DGKH: variants seen among roughly 807,000 people sequenced by gnomAD.
DGKH encodes DAG kinase eta.
DGKH carries 90 observed loss-of-function variants against 159.3 expected under a neutral mutation model. The observed-to-expected ratio is 0.57, with a 90% CI of 0.48 to 0.67. The LOEUF is 0.67. DGKH is among the 30% of genes least tolerant of loss of function. DGKH has a pLI of 0.00. For synonymous variants in DGKH, 536 were observed against 553.8 expected, an observed-to-expected ratio of 0.97 and a Z score of 0.45; for missense variants, 1,181 against 1,506.1, an observed-to-expected ratio of 0.78 and a Z score of 3.57.
At chr13:42,089,091 C>T (rs759860031) in intron 1 of DGKH, among the ~76,000 whole-genome samples, 2 of 152,032 alleles carry the variant, frequency 1.3e-5, no homozygotes, top group Non-Finnish European at 2.9e-5. Context: ...TGCATGCAGC[C>T]GATAACAGCT....
intron 1 of DGKH, chr13:42,069,431 A>G (rs1015334677): frequency 1.9e-6 from 3 of 1,551,428 alleles, no homozygotes; most frequent in African/African-American, 1.4e-5. Flanking sequence ...ACACTGAGCT[A>G]TTCAAGTCGA....
At chr13:42,212,380 C>G (rs1419338137) in intron 24 of DGKH, among the ~76,000 whole-genome samples, 1 of 152,126 alleles carries the variant, frequency 6.6e-6, no homozygotes, top group African/African-American at 2.4e-5. Context: ...TCAGCTATAC[C>G]CACACAGCTG....
chr13:42,067,546 T>C (rs1882666253), intron 1 of DGKH, among the ~76,000 whole-genome samples: 1 of 152,162 alleles, frequency 6.6e-6, no homozygotes, highest in African/African-American at 2.4e-5. Context: ...TCTAGAAAGA[T>C]CATAAAGGCT....
In DGKH at chr13:42,166,606, C is replaced by T. The variant is rs1364418698; in HGVS notation, c.1050C>T (p.Leu350=). Residue 350 remains leucine (L), a synonymous_variant, in exon 9 of 30, where the codon CTC becomes CTT. Coordinates refer to ENST00000337343, the MANE Select transcript of DGKH (RefSeq NM_178009.5). ...KSGDNQGVKF[L]RRFKQLLNPA... The stretch of plus-strand genomic sequence containing the variant: ...GAGATAATCAGGGAGTAAAGTTCCT[C>T]CGTCGCTTTAAACAGTTGCTAAATC... 7 of 1,609,030 alleles carry T rather than the reference C, an allele frequency of 4.4e-6. No homozygotes were observed. In the South Asian group the frequency reaches 6.7e-5, roughly 15 times the overall value.
In DGKH at chr13:42,155,356, C is replaced by G. The variant is rs1455647121; in HGVS notation, c.450C>G (p.Ile150Met). ...ACAGAAAGGAGATGGAGGATTGGAT[C>G]AGCTCACTGAAGTCTGTACAGACCA... ...AENRKEMEDW[I>M]SSLKSVQTRE... Residue 150 changes from isoleucine to methionine, a missense_variant, in exon 4 of 30, where the codon ATC becomes ATG. Ile to Met is a conservative substitution (Grantham distance 10). Transcript: ENST00000337343. The G allele has an allele frequency of 6.2e-7, 1 of 1,612,752 alleles. No homozygotes were observed. The highest frequency in any genetic ancestry group is 1.1e-5 in the South Asian group (1 of 90,654).
chr13:42,218,275 C>A (rs935772370), intron 26 of DGKH, among the ~76,000 whole-genome samples: 1 of 152,114 alleles, frequency 6.6e-6, no homozygotes, highest in Admixed American at 6.5e-5. Flanking sequence ...AATAGGTGAG[C>A]AGTTAAATTC....
intron 16 of DGKH, among the ~76,000 whole-genome samples, chr13:42,192,613 TCTTTTCTTTC>T (rs1957107568): frequency 6.7e-6 from 1 of 149,692 alleles, no homozygotes. Flanking sequence ...TTCTTCTTCT[TCTTTTCTTTC>T]TTCTTTCTTC....
intron 19 of DGKH, 52 bp downstream of exon 19, chr13:42,199,728 A>G (rs1957299871): frequency 7.7e-6 from 12 of 1,556,892 alleles, no homozygotes; most frequent in Non-Finnish European, 1.0e-5. Context: ...TTTTTTCTTC[A>G]TTTATTATGT....
intron 1 of DGKH, among the ~76,000 whole-genome samples, chr13:42,120,500 A>T (rs1291045034): frequency 1.3e-5 from 2 of 152,200 alleles, no homozygotes; most frequent in African/African-American, 4.8e-5. Context: ...GCAACAGAAA[A>T]TTGGAACTCA....
Position 42,184,641 on chromosome 13 carries a change from C to T in DGKH, c.1539-2408C>T, listed in dbSNP as rs73475059. On this transcript the variant is annotated intron_variant, in intron 13 of 29. Transcript: ENST00000337343. ...CTTTGGGAGTGCAAGTCAGGAGGAT[C>T]GCTTGAGGCCATGAGTTAGAGACCA... is the stretch of plus-strand genomic sequence containing the variant. Among the ~76,000 whole-genome samples, 837 of 152,078 alleles carry T rather than the reference C, an allele frequency of 5.5e-3. 9 individuals are homozygous for T. The highest frequency in any genetic ancestry group is 0.019 in the African/African-American group (797 of 41,494).
At chr13:42,147,886 A>G (rs1479297547) in intron 3 of DGKH, among the ~76,000 whole-genome samples, 3 of 152,182 alleles carry the variant, frequency 2.0e-5, no homozygotes, top group Non-Finnish European at 4.4e-5. Context: ...ATGTGAGTGA[A>G]TGAAGTCATT....
chr13:42,042,254 T>G (rs1880557745), intron 1 of DGKH, among the ~76,000 whole-genome samples: 1 of 152,274 alleles, frequency 6.6e-6, no homozygotes, highest in Non-Finnish European at 1.5e-5. Flanking sequence ...TCAGTGACTT[T>G]ACTTTTAAAC....
chr13:42,215,431 T>G, intron 25 of DGKH, 144 bp from the exon 26 acceptor site: 1 of 552,036 alleles, frequency 1.8e-6, no homozygotes, highest in Non-Finnish European at 3.1e-6. Context: ...CAAACAAATG[T>G]ATGAAACTTT....
At chr13:42,101,001 C>T (rs559013119) in intron 1 of DGKH, among the ~76,000 whole-genome samples, 1 of 152,318 alleles carries the variant, frequency 6.6e-6, no homozygotes, top group South Asian at 2.1e-4. Flanking sequence ...TCAGATTTTA[C>T]TCCCATAACT....
intron 11 of DGKH, among the ~76,000 whole-genome samples, chr13:42,173,757 C>T (rs912673626): frequency 3.9e-5 from 6 of 151,954 alleles, no homozygotes; most frequent in African/African-American, 7.3e-5. Flanking sequence ...GAAATGGGGG[C>T]GTTGTAACGT....
chr13:42,194,025 G>C (rs1177477912), intron 16 of DGKH, among the ~76,000 whole-genome samples: 1 of 152,106 alleles, frequency 6.6e-6, no homozygotes, highest in African/African-American at 2.4e-5. Context: ...AATGTATTGA[G>C]CTTTTACAAG....
chr13:42,095,313 C>G (rs796375993), intron 1 of DGKH, among the ~76,000 whole-genome samples: 3 of 152,056 alleles, frequency 2.0e-5, no homozygotes, highest in African/African-American at 7.2e-5. Flanking sequence ...CAGGCACCTG[C>G]CACCATGCCT....
Position 42,084,191 on chromosome 13 carries a change from A to G in DGKH, c.192+35226A>G, listed in dbSNP as rs565831036. On this transcript the variant is annotated intron_variant, in intron 1 of 29. Transcript: ENST00000337343. ...AGACATTTATACATATATGTCTTGC[A>G]TCATAGTTTGTATACGCTTACAGAT... Among the ~76,000 whole-genome samples, 126 of 152,340 alleles carry G rather than the reference A, an allele frequency of 8.3e-4. 3 individuals carry two copies. In the South Asian group the frequency reaches 0.025, roughly 31 times the overall value.
chr13:42,256,027 T>G lies in DGKH; in HGVS notation n.4128-257T>G, dbSNP rs942345259. 5 of 1,528,000 alleles carry G rather than the reference T, an allele frequency of 3.3e-6. No homozygotes were observed. The African/African-American group carries it at 6.8e-5, about 21-fold the overall frequency. 94.7% of individuals were successfully genotyped at this position (1,528,000 alleles called of 1,614,324 possible). A position where few individuals can be genotyped will look rare whatever the true frequency, so the allele number is the denominator to read the frequency against. Reference sequence around the variant, plus strand: ...GTCTGATGACGATAGCAAATAATATTCGTTTTCTGGGTTCTGGCCCTTGGT... The same window carrying G: ...GTCTGATGACGATAGCAAATAATATGCGTTTTCTGGGTTCTGGCCCTTGGT... On this transcript the variant is annotated intron_variant and non_coding_transcript_variant, in intron 30 of 30. Coordinates refer to the DGKH transcript ENST00000498255.
Sources: gnomAD v4.1 joint callset for allele counts (sites outside exome capture counted in the v4.1 genomes callset) on GRCh38, gnomAD v4.1.1 for gene constraint, MANE v1.5 for transcripts, NCBI Gene and HGNC (gene_info 2026-07-23, HGNC 2026-07-21) for gene names.